Variants in WNT5A observed in about 807,000 individuals in gnomAD.
The protein encoded by WNT5A is protein Wnt-5a.
In WNT5A, 9 loss-of-function variants were observed where a neutral mutation model predicts 42.1. That is an observed-to-expected ratio of 0.21 (90% CI 0.13 to 0.37). WNT5A has a LOEUF of 0.37. WNT5A is among the 10% of genes least tolerant of loss of function. The pLI is 1.00. For synonymous variants in WNT5A, 210 were observed against 210.0 expected, an observed-to-expected ratio of 1.00 and a Z score of 0.00; for missense variants, 426 against 534.0, an observed-to-expected ratio of 0.80 and a Z score of 1.99.
rs1434116796 is a variant in WNT5A, at chr3:55,468,681, CTT to C, written c.*1409_*1410del. 3 of 151,306 alleles carry C rather than the reference CTT, an allele frequency of 2.0e-5. No homozygotes were observed. The highest frequency in any genetic ancestry group is 4.4e-5 in the Non-Finnish European group (3 of 67,810). 9.4% of individuals were successfully genotyped at this position (151,306 alleles called of 1,614,324 possible). The stretch of plus-strand genomic sequence containing the variant: ...ATATATATATGTTATGTACAAAAGA[CTT>C]TGAGATATCAGGCACCATTAAACCA... On this transcript the variant is annotated 3_prime_UTR_variant, in exon 5 of 5. Coordinates refer to ENST00000264634, the MANE Select transcript of WNT5A (RefSeq NM_003392.7).
rs1354084512 is a variant in WNT5A, at chr3:55,470,442, C to T, written c.793G>A (p.Ala265Thr). 1.2e-6 allele frequency: 2 copies of T among 1,611,580 alleles called. No individual in the cohort carries two copies. The highest frequency in any genetic ancestry group is 1.7e-5 in the Admixed American group (1 of 59,710). The change falls in exon 5 of 5, where the codon GCC (alanine) becomes ACC (threonine). Residue 265 changes from alanine to threonine, a missense_variant. By Grantham distance (58) the Ala-to-Thr change is moderately conservative. Coordinates refer to ENST00000264634, the MANE Select transcript of WNT5A (RefSeq NM_003392.7). ...GCGCTGTCGTACTTCTCCTTCAGGGCATCACCCACCTTGCGGAAGTCTGCC... is the reference window on the plus strand; with the variant it reads ...GCGCTGTCGTACTTCTCCTTCAGGGTATCACCCACCTTGCGGAAGTCTGCC... ...QLADFRKVGD[A>T]LKEKYDSAAA...
the WNT5A span, among the ~76,000 whole-genome samples, chr3:55,497,082 C>T: frequency 7.2e-5 from 11 of 152,306 alleles, no homozygotes; most frequent in African/African-American, 2.2e-4. Flanking sequence ...CAGATCACAC[C>T]GGTTTGTCCA....
At position 55,469,843 on chromosome 3, in the gene WNT5A, T is replaced by C. The variant is rs2051212100; in HGVS notation, c.*249A>G. On this transcript the variant is annotated 3_prime_UTR_variant, in exon 5 of 5. Transcript: ENST00000264634. ...CATTCTATACTATCAAAAGAAGTCTTGTATTACCTTTTCAAAGATCCACAA... is the reference window on the plus strand; with the variant it reads ...CATTCTATACTATCAAAAGAAGTCTCGTATTACCTTTTCAAAGATCCACAA... 1 of 441,600 alleles carries C rather than the reference T, an allele frequency of 2.3e-6. No homozygotes were observed. Among genetic ancestry groups the C allele is most frequent in the Admixed American group, 3.9e-5 (1 of 25,548 alleles). The allele number at this position is 441,600 out of a possible 1,614,324, so 27.4% of individuals were successfully genotyped here.
At chr3:55,497,634 G>A in the WNT5A span, among the ~76,000 whole-genome samples, 1 of 152,168 alleles carries the variant, frequency 6.6e-6, no homozygotes, top group African/African-American at 2.4e-5. Flanking sequence ...GAGCCTGACT[G>A]GAATATTAGT....
the WNT5A span, among the ~76,000 whole-genome samples, chr3:55,498,854 T>G: frequency 6.6e-6 from 1 of 152,154 alleles, no homozygotes; most frequent in Non-Finnish European, 1.5e-5. Flanking sequence ...ATGTGGAGTT[T>G]CTGGGTAAGG....
chr3:55,486,900 AGGCGAAGG>A (rs1220379509), intron 1 of WNT5A, 72 bp downstream of exon 1: 3 of 956,328 alleles, frequency 3.1e-6, no homozygotes, highest in Admixed American at 3.5e-5. Flanking sequence ...GGATAGGAAG[AGGCGAAGG>A]GAACTCAGTT....
the WNT5A span, among the ~76,000 whole-genome samples, chr3:55,499,257 G>A: frequency 1.4e-3 from 212 of 152,300 alleles, 2 homozygotes; most frequent in African/African-American, 4.7e-3. Flanking sequence ...AAGAAACCAC[G>A]GGAAGTGAAT....
At chr3:55,487,314 G>A (rs567654270), upstream of WNT5A, 32 of 385,246 alleles carry the variant, frequency 8.3e-5, no homozygotes, top group East Asian at 1.4e-3. Context: ...GTTCCACGGA[G>A]AGGCGCTCCG....
intron 2 of WNT5A, among the ~76,000 whole-genome samples, chr3:55,480,137 T>C (rs1252110398): frequency 6.6e-6 from 1 of 152,298 alleles, no homozygotes; most frequent in East Asian, 1.9e-4. Context: ...ACAGAAGTCA[T>C]GTTTGACAGT....
Position 55,466,214 on chromosome 3 carries a change from A to G in WNT5A, c.*3878T>C, listed in dbSNP as rs1355432491. On this transcript the variant is annotated 3_prime_UTR_variant, in exon 5 of 5. Coordinates refer to ENST00000264634, the MANE Select transcript of WNT5A (RefSeq NM_003392.7). ...TAAATATTTTAAAAGTATAGCTTAC[A>G]GTGACAATGTAGTATTTTAGACCTG... is the stretch of plus-strand genomic sequence containing the variant. 1 of 152,204 alleles carries G rather than the reference A, an allele frequency of 6.6e-6. No homozygotes were observed. The highest frequency in any genetic ancestry group is 1.5e-5 in the Non-Finnish European group (1 of 68,034). 9.4% of individuals were successfully genotyped at this position (152,204 alleles called of 1,614,324 possible). A position where few individuals can be genotyped will look rare whatever the true frequency, so the allele number is the denominator to read the frequency against.
chr3:55,481,797 C>A (rs1026990637), intron 1 of WNT5A, among the ~76,000 whole-genome samples: 3 of 152,122 alleles, frequency 2.0e-5, no homozygotes, highest in Non-Finnish European at 2.9e-5. Context: ...AGGGATGGAA[C>A]CCTAGAGGAA....
intron 4 of WNT5A, among the ~76,000 whole-genome samples, chr3:55,471,585 G>T (rs1349713970): frequency 1.3e-4 from 20 of 152,224 alleles, no homozygotes. Context: ...TTTCTTTAGG[G>T]TAACAACGGA....
At chr3:55,499,130 A>C in the WNT5A span, among the ~76,000 whole-genome samples, 1 of 152,202 alleles carries the variant, frequency 6.6e-6, no homozygotes, top group East Asian at 1.9e-4. Flanking sequence ...TAAAAAAGGC[A>C]AAGTCAGGTT....
At chr3:55,475,980 A>C (rs12495121) in intron 3 of WNT5A, among the ~76,000 whole-genome samples, 2,878 of 152,292 alleles carry the variant, frequency 0.019, 262 homozygotes, top group Admixed American at 0.15. Context: ...AAATAAGGGT[A>C]CTGAAATACA....
Position 55,469,977 on chromosome 3 carries a change from G to T in WNT5A, c.*115C>A. ...GGTAACAGGAAAAAAAATGGTTCCG[G>T]TTGCAATTCTTGGGGAAAAATAAAA... On this transcript the variant is annotated 3_prime_UTR_variant, in exon 5 of 5. Transcript: ENST00000264634. The T allele has an allele frequency of 1.6e-6, 2 of 1,273,262 alleles. No individual in the cohort carries two copies. Among genetic ancestry groups the T allele is most frequent in the Admixed American group, 2.1e-5 (1 of 48,706 alleles). The allele number at this position is 1,273,262 out of a possible 1,614,324, so 78.9% of individuals were successfully genotyped here.
chr3:55,494,041 C>T (rs1559562948), upstream of WNT5A: 1 of 152,200 alleles, frequency 6.6e-6, no homozygotes, highest in Admixed American at 6.5e-5. Context: ...ATGTGGCCCG[C>T]TGATCATCTA....
In WNT5A at chr3:55,487,027, C is replaced by G; in HGVS notation, c.-42G>C. ...CGCGGGGAGGAAGTCGCCACCCGAG[C>G]GAGCGCAGCCGAGGAATCCGAGCGG... On this transcript the variant is annotated 5_prime_UTR_variant, in exon 1 of 5. Transcript: ENST00000264634. 1 of 1,602,928 alleles carries G rather than the reference C, an allele frequency of 6.2e-7. No homozygotes were observed. The highest frequency in any genetic ancestry group is 8.5e-7 in the Non-Finnish European group (1 of 1,174,188).
Position 55,480,771 on chromosome 3 carries a change from T to C in WNT5A, c.140+14A>G, listed in dbSNP as rs139616809. The C allele has an allele frequency of 2.1e-5, 33 of 1,537,868 alleles. 1 individual carries two copies. In the African/African-American group the frequency reaches 2.9e-4, roughly 14 times the overall value. ...AAAAAGAAGAGGAAGAACACGCACA[T>C]AGAATGAACTTACCACCAAGAATTG... On this transcript the variant is annotated intron_variant, in intron 2 of 4. Coordinates refer to ENST00000264634, the MANE Select transcript of WNT5A (RefSeq NM_003392.7).
chr3:55,485,793 C>G (rs942482973), intron 1 of WNT5A, among the ~76,000 whole-genome samples: 2 of 152,050 alleles, frequency 1.3e-5, no homozygotes, highest in African/African-American at 4.8e-5. Flanking sequence ...GGCCTCGATA[C>G]CAGACAGGGA....
Sources: gnomAD v4.1 joint callset for allele counts (sites outside exome capture counted in the v4.1 genomes callset) on GRCh38, gnomAD v4.1.1 for gene constraint, MANE v1.5 for transcripts, NCBI Gene and HGNC (gene_info 2026-07-23, HGNC 2026-07-21) for gene names.